Variants in CDH13 observed in about 807,000 individuals in gnomAD.
CDH13 encodes the protein cadherin-13.
In CDH13, 24 loss-of-function variants were observed where a neutral mutation model predicts 63.8. That is an observed-to-expected ratio of 0.38 (90% CI 0.27 to 0.53). The LOEUF is 0.53. CDH13 is among the 20% of genes least tolerant of loss of function. CDH13 has a pLI of 0.85. For synonymous variants in CDH13, 503 were observed against 355.3 expected (o/e 1.42, Z -4.67); for missense variants, 1,049 against 903.1 (o/e 1.16, Z -2.07).
chr16:83,403,847 A>G (rs544311007), intron 6 of CDH13, among the ~76,000 whole-genome samples: 45 of 152,320 alleles, frequency 3.0e-4, no homozygotes, highest in Non-Finnish European at 5.1e-4. Context: ...TGACTTTAAT[A>G]TAAGGGAAAA....
At chr16:83,141,430 T>C (rs555063230) in intron 4 of CDH13, among the ~76,000 whole-genome samples, 2 of 152,326 alleles carry the variant, frequency 1.3e-5, no homozygotes, top group South Asian at 4.2e-4. Flanking sequence ...TATAGGATCA[T>C]TTCTACTGAG....
At chr16:83,772,192 G>C (rs1914803483) in intron 11 of CDH13, among the ~76,000 whole-genome samples, 1 of 152,088 alleles carries the variant, frequency 6.6e-6, no homozygotes, top group African/African-American at 2.4e-5. Flanking sequence ...ACATGCTTAA[G>C]AGAAAGGAGG....
intron 5 of CDH13, among the ~76,000 whole-genome samples, chr16:83,240,999 C>G (rs1030546517): frequency 6.6e-5 from 10 of 152,190 alleles, no homozygotes; most frequent in African/African-American, 2.2e-4. Flanking sequence ...CCCCAACCCT[C>G]TGATCTTAGC....
chr16:83,077,817 G>A (rs894452401), intron 3 of CDH13, among the ~76,000 whole-genome samples: 4 of 152,140 alleles, frequency 2.6e-5, no homozygotes, highest in Non-Finnish European at 4.4e-5. Context: ...ATCCTCTTCC[G>A]GATAACGCGT....
intron 7 of CDH13, among the ~76,000 whole-genome samples, chr16:83,515,246 C>A (rs1353037691): frequency 6.6e-6 from 1 of 152,114 alleles, no homozygotes; most frequent in African/African-American, 2.4e-5. Context: ...CTCTCCAAAC[C>A]AACCCTGAGC....
Position 83,020,461 on chromosome 16 carries a change from C to T in CDH13, c.158-11549C>T, listed in dbSNP as rs370154184. Among the ~76,000 whole-genome samples, 9 of 152,176 alleles carry T rather than the reference C, an allele frequency of 5.9e-5. No individual in the cohort carries two copies. The East Asian group carries it at 1.2e-3, about 20-fold the overall frequency. ...TGTACCCCTCAAGGTGCCAACAGAC[C>T]CTATGACTGCTCTAGTGTTCTCTCT... On this transcript the variant is annotated intron_variant, in intron 2 of 13. Transcript: ENST00000567109.
rs369174364 is a variant in CDH13, at chr16:82,834,947, A to C, written c.46-23415A>C. On this transcript the variant is annotated intron_variant, in intron 1 of 13. Transcript: ENST00000567109. ...GCCCACAAAACCTAACATATTTACT[A>C]CTGGCTCTTTAAGAAAATGTTTGCT... Among the ~76,000 whole-genome samples the C allele has an allele frequency of 1.2e-4, 19 of 152,274 alleles. No homozygotes were observed. In the South Asian group the frequency reaches 3.9e-3, roughly 32 times the overall value.
intron 6 of CDH13, among the ~76,000 whole-genome samples, chr16:83,479,774 C>T (rs1228243749): frequency 6.6e-6 from 1 of 152,140 alleles, no homozygotes; most frequent in Non-Finnish European, 1.5e-5. Context: ...GAAAGTTGGT[C>T]ATTAGGAGAG....
At chr16:83,664,669 A>C (rs150920377) in intron 8 of CDH13, among the ~76,000 whole-genome samples, 22 of 152,144 alleles carry the variant, frequency 1.4e-4, no homozygotes, top group African/African-American at 5.1e-4. Flanking sequence ...GTATGGTGTG[A>C]GGTAGGGGTC....
chr16:82,818,656 C>G (rs2037844511), intron 1 of CDH13, among the ~76,000 whole-genome samples: 1 of 152,108 alleles, frequency 6.6e-6, no homozygotes, highest in Admixed American at 6.5e-5. Context: ...GCCCACTGTA[C>G]CTTTGGCTTC....
intron 3 of CDH13, among the ~76,000 whole-genome samples, chr16:83,040,290 T>A (rs943271330): frequency 2.0e-5 from 3 of 152,082 alleles, no homozygotes; most frequent in Non-Finnish European, 4.4e-5. Flanking sequence ...GATAGATGAA[T>A]ATATGAAGGG....
chr16:83,228,326 C>G (rs1310693066), intron 5 of CDH13, among the ~76,000 whole-genome samples: 2 of 152,210 alleles, frequency 1.3e-5, no homozygotes, highest in Non-Finnish European at 2.9e-5. Context: ...CTGCAGGCTC[C>G]TTGCATGGCG....
chr16:83,536,683 T>C (rs1403177601), intron 7 of CDH13, among the ~76,000 whole-genome samples: 1 of 151,896 alleles, frequency 6.6e-6, no homozygotes, highest in African/African-American at 2.4e-5. Context: ...CTGGTTTGAG[T>C]GTTAAGGGGA....
At chr16:83,709,791 C>G (rs1370080484) in intron 10 of CDH13, among the ~76,000 whole-genome samples, 2 of 152,228 alleles carry the variant, frequency 1.3e-5, no homozygotes, top group African/African-American at 4.8e-5. Flanking sequence ...TGAGTATTCA[C>G]TCTGCATTTT....
intron 5 of CDH13, among the ~76,000 whole-genome samples, chr16:83,250,235 G>A (rs1157695520): frequency 2.6e-5 from 4 of 152,078 alleles, no homozygotes; most frequent in Non-Finnish European, 5.9e-5. Flanking sequence ...TTGACCCAAT[G>A]AGCATTCAAA....
intron 2 of CDH13, among the ~76,000 whole-genome samples, chr16:82,930,899 G>A (rs2042469836): frequency 1.3e-5 from 2 of 152,180 alleles, no homozygotes; most frequent in African/African-American, 4.8e-5. Context: ...AAAATCCTGA[G>A]CTTTAAAACT....
At chr16:82,986,406 C>T (rs1910945825) in intron 2 of CDH13, among the ~76,000 whole-genome samples, 1 of 152,202 alleles carries the variant, frequency 6.6e-6, no homozygotes, top group Non-Finnish European at 1.5e-5. Flanking sequence ...AAGTCATTGT[C>T]ACAAAAGCCC....
intron 1 of CDH13, among the ~76,000 whole-genome samples, chr16:82,801,984 G>C (rs1010952023): frequency 6.6e-6 from 1 of 152,184 alleles, no homozygotes; most frequent in African/African-American, 2.4e-5. Context: ...CAGTGTGTGT[G>C]AATGGTAATG....
chr16:82,892,843 A>T (rs2041127486), intron 2 of CDH13, among the ~76,000 whole-genome samples: 1 of 152,246 alleles, frequency 6.6e-6, no homozygotes, highest in African/African-American at 2.4e-5. Context: ...TTTTATTTAG[A>T]ATGTTGGCAT....
Sources: allele counts gnomAD v4.1 joint callset (sites outside exome capture counted in the v4.1 genomes callset), GRCh38; gene constraint gnomAD v4.1.1; transcripts MANE v1.5; gene names NCBI Gene and HGNC (gene_info 2026-07-23, HGNC 2026-07-21).